Variants in FMN2 observed in about 807,000 individuals in gnomAD.
FMN2 encodes formin 2, also known as formin-2.
FMN2 carries 51 observed loss-of-function variants against 142.3 expected under a neutral mutation model. The ratio of observed to expected loss-of-function variants is 0.36; its 90% CI spans 0.29 to 0.45. The LOEUF (loss-of-function observed/expected upper bound fraction) is 0.45, where lower values mean the gene tolerates loss of function less well. Among genes scored for constraint, FMN2 ranks in the 20% least tolerant of loss-of-function variants. The pLI is 1.00. For synonymous variants in FMN2, 882 were observed against 869.8 expected, an observed-to-expected ratio of 1.01 and a Z score of -0.25; for missense variants, 1,936 against 2,122.8, an observed-to-expected ratio of 0.91 and a Z score of 1.73.
At chr1:240,248,549 A>T (rs1668165421) in intron 6 of FMN2, among the ~76,000 whole-genome samples, 1 of 151,578 alleles carries the variant, frequency 6.6e-6, no homozygotes, top group Admixed American at 6.6e-5. Context: ...TATTGTGAAC[A>T]GTACTGCAGT....
At chr1:240,410,386 T>C (rs748686538) in intron 15 of FMN2, among the ~76,000 whole-genome samples, 5 of 152,092 alleles carry the variant, frequency 3.3e-5, no homozygotes, top group Admixed American at 1.3e-4. Context: ...AGCTGCAAAA[T>C]TGAGACAATT....
In FMN2 at chr1:240,208,056, G is replaced by A; in HGVS notation, c.3244G>A (p.Gly1082Arg). Reference sequence around the variant, plus strand: ...CATACCCCCTCCGCCCCCACTTCCCGGAGCGGGCATACCCCCACCTCCCCC... The same window carrying A: ...CATACCCCCTCCGCCCCCACTTCCCAGAGCGGGCATACCCCCACCTCCCCC... ...AGIPPPPPLPGAGIPPPPPLP... is the reference protein window; with the variant it reads ...AGIPPPPPLPRAGIPPPPPLP... Residue 1082 changes from glycine to arginine, a missense_variant, in exon 5 of 18, where the codon GGA becomes AGA. This residue lies in a region of FMN2 where 56 missense variants were observed against 111.8 expected (regional missense o/e 0.50). Coordinates refer to ENST00000319653, the MANE Select transcript of FMN2 (RefSeq NM_020066.5). The A allele has an allele frequency of 6.2e-6, 3 of 483,676 alleles. No individual in the cohort carries two copies. The highest frequency in any genetic ancestry group is 1.1e-5 in the Non-Finnish European group (3 of 278,060). 30.0% of individuals were successfully genotyped at this position (483,676 alleles called of 1,614,324 possible).
chr1:240,140,815 T>C (rs1470347024), intron 2 of FMN2, among the ~76,000 whole-genome samples: 4 of 152,242 alleles, frequency 2.6e-5, no homozygotes, highest in African/African-American at 9.6e-5. Flanking sequence ...CATACTTGAC[T>C]AATTTGCTGT....
At chr1:240,384,824 CCTTT>C (rs1673359417) in intron 14 of FMN2, among the ~76,000 whole-genome samples, 1 of 151,838 alleles carries the variant, frequency 6.6e-6, no homozygotes, top group African/African-American at 2.4e-5. Flanking sequence ...AATTATAAAC[CCTTT>C]CTTACAGGGT....
At chr1:240,441,608 CTTTTT>C (rs371621331) in intron 16 of FMN2, among the ~76,000 whole-genome samples, 22 of 125,130 alleles carry the variant, frequency 1.8e-4, no homozygotes, top group Non-Finnish European at 3.6e-4. Flanking sequence ...GCATATTGGT[CTTTTT>C]TTTTTTTTTT....
At chr1:240,170,348 G>C in intron 2 of FMN2, 1 of 1,141,420 alleles carries the variant, frequency 8.8e-7, no homozygotes. Flanking sequence ...CCTGAGGGTT[G>C]TTTTCCAGTG....
At chr1:240,472,034 T>C (rs1466853121) in intron 16 of FMN2, 1 of 194,026 alleles carries the variant, frequency 5.2e-6, no homozygotes, top group African/African-American at 2.4e-5. Context: ...TACTCTCAGC[T>C]GACAATGAGG....
chr1:240,468,863 G>T (rs553754740), intron 16 of FMN2, among the ~76,000 whole-genome samples: 1 of 152,116 alleles, frequency 6.6e-6, no homozygotes, highest in East Asian at 1.9e-4. Context: ...GGCTGTCTTC[G>T]TACCGACTTC....
rs780530230 is a variant in FMN2, at chr1:240,092,592, G to A, written c.483G>A (p.Glu161=). The A allele has an allele frequency of 1.2e-6, 2 of 1,613,840 alleles. No individual in the cohort carries two copies. The highest frequency in any genetic ancestry group is 1.3e-5 in the African/African-American group (1 of 74,934). ...EARVGGRPIA[E]DVETAAGAQD... ...GGGTCGGGGGCCGGCCGATCGCCGA[G>A]GATGTGGAAACTGCAGCAGGGGCGC... The change falls in exon 1 of 18, where the codon GAG becomes GAA. Residue 161 remains glutamate (E), a synonymous_variant. Transcript: ENST00000319653.
intron 1 of FMN2, 80 bp downstream of exon 1, chr1:240,093,804 G>A: frequency 9.7e-7 from 1 of 1,036,166 alleles, no homozygotes; most frequent in Non-Finnish European, 1.3e-6. Context: ...GCCCTCCCTG[G>A]GCTCTGGAAG....
chr1:240,384,678 G>A (rs754785718), intron 14 of FMN2, among the ~76,000 whole-genome samples: 31 of 152,152 alleles, frequency 2.0e-4, no homozygotes, highest in Non-Finnish European at 3.4e-4. Context: ...TCACTTAACT[G>A]TACTCATAAC....
chr1:240,346,124 ACAGTAGTCT>A (rs1218661516), intron 13 of FMN2, among the ~76,000 whole-genome samples: 1 of 152,156 alleles, frequency 6.6e-6, no homozygotes, highest in Non-Finnish European at 1.5e-5. Flanking sequence ...ATAGACAAGT[ACAGTAGTCT>A]CCCCTTATCT....
At chr1:240,417,868 A>G (rs1204478652) in intron 15 of FMN2, among the ~76,000 whole-genome samples, 2 of 152,122 alleles carry the variant, frequency 1.3e-5, no homozygotes, top group African/African-American at 4.8e-5. Context: ...TGTTTGTTTC[A>G]TCTTTCAATT....
At chr1:240,362,108 G>T (rs1672506892) in intron 14 of FMN2, among the ~76,000 whole-genome samples, 1 of 152,210 alleles carries the variant, frequency 6.6e-6, no homozygotes, top group Admixed American at 6.5e-5. Context: ...AGCAGACGCT[G>T]ATTTTCTGAG....
Position 240,330,623 on chromosome 1 carries a change from G to T in FMN2, c.4458G>T (p.Gly1486=). Residue 1486 remains glycine (G), a synonymous_variant, in exon 11 of 18, where the codon GGG becomes GGT. Transcript: ENST00000319653. ...KLCETLKNGP[G]VMQVLGLVLA... ...TACAGACATTAAAAAATGGCCCAGG[G>T]GTTATGCAGGTTCTAGGTTTGGTTC... The T allele has an allele frequency of 1.9e-6, 3 of 1,613,784 alleles. No homozygotes were observed. The highest frequency in any genetic ancestry group is 1.7e-6 in the Non-Finnish European group (2 of 1,179,850).
chr1:240,472,313 G>T, intron 16 of FMN2, 59 bp from the exon 17 acceptor site: 2 of 1,239,298 alleles, frequency 1.6e-6, no homozygotes, highest in South Asian at 1.3e-5. Context: ...CTTACTATAA[G>T]GTAGAATGAG....
chr1:240,417,049 C>T lies in FMN2; in HGVS notation c.4911-21012C>T, dbSNP rs776282141. On this transcript the variant is annotated intron_variant, in intron 15 of 17. Transcript: ENST00000319653. The stretch of plus-strand genomic sequence containing the variant: ...CTGATGAGTTACTTATGTGTATATT[C>T]GTTGTGTCTGTTTCAAATGCATGGG... Among the ~76,000 whole-genome samples, 20 of 150,482 alleles carry T rather than the reference C, an allele frequency of 1.3e-4. 1 individual carries two copies. The highest frequency in any genetic ancestry group is 1.8e-4 in the Non-Finnish European group (12 of 67,724).
At chr1:240,094,374 A>G (rs1219831466) in intron 1 of FMN2, among the ~76,000 whole-genome samples, 1 of 152,350 alleles carries the variant, frequency 6.6e-6, no homozygotes, top group East Asian at 1.9e-4. Flanking sequence ...AATAGTAGGG[A>G]TAATTTTCAT....
intron 2 of FMN2, among the ~76,000 whole-genome samples, chr1:240,147,609 G>A (rs185660368): frequency 6.6e-6 from 1 of 152,104 alleles, no homozygotes; most frequent in East Asian, 1.9e-4. Context: ...CCTCCCACCT[G>A]GGCCCCCCAA....
Sources: allele counts gnomAD v4.1 joint callset (sites outside exome capture counted in the v4.1 genomes callset), GRCh38; gene constraint gnomAD v4.1.1; regional missense constraint gnomAD v4.1.1; transcripts MANE v1.5; gene names NCBI Gene and HGNC (gene_info 2026-07-23, HGNC 2026-07-21).